Variants in MORN1 observed in about 807,000 individuals in gnomAD.
MORN1 encodes MORN repeat containing 1.
In MORN1, 67 loss-of-function variants were observed where a neutral mutation model predicts 61.9. The observed-to-expected ratio is 1.08, with a 90% CI of 0.89 to 1.33. MORN1 has a LOEUF of 1.33. MORN1 is among the 40% of genes most tolerant of loss of function. MORN1 has a pLI of 0.00. For synonymous variants in MORN1, 301 were observed against 292.0 expected (o/e 1.03, Z -0.31); for missense variants, 752 against 691.2 (o/e 1.09, Z -0.99).
rs1338906281 is a variant in MORN1, at chr1:2,334,100, T to C, written c.1250+2369A>G. Among the ~76,000 whole-genome samples the C allele has an allele frequency of 2.0e-5, 3 of 151,998 alleles. No homozygotes were observed. The highest frequency in any genetic ancestry group is 4.4e-5 in the Non-Finnish European group (3 of 67,974). On this transcript the variant is annotated intron_variant, in intron 12 of 13. Transcript: ENST00000378531. The surrounding 1 kb of genome is among the most constrained non-coding windows in gnomAD (Gnocchi z 5.4). ...GAGCCTCAGGCAGGGTCCCCCACTC[T>C]TTCCTAAGAGGGGGCCATCACACAA...
In MORN1 at chr1:2,334,239, G is replaced by C. The variant is rs894472953; in HGVS notation, c.1250+2230C>G. ...CAGTTGAGGGCCTCTGGGTGGTGGG[G>C]GGGCAGCAGGTGTAAGAACGGTAAG... On this transcript the variant is annotated intron_variant, in intron 12 of 13. Transcript: ENST00000378531. The surrounding 1 kb of genome is among the most constrained non-coding windows in gnomAD (Gnocchi z 5.4). 1.3e-5 allele frequency among the ~76,000 whole-genome samples: 2 copies of C among 152,106 alleles called. No individual in the cohort carries two copies. Among genetic ancestry groups the C allele is most frequent in the African/African-American group, 4.8e-5 (2 of 41,410 alleles).
In MORN1 at chr1:2,391,509, G is replaced by C; in HGVS notation, c.25C>G (p.Pro9Ala). MAAAGEGT[P>A]SSRGPRRDPP... ...TCCCGACGCGGCCCGCGGGAGCTCG[G>C]GGTGCCCTCGCCCGCCGCTGCCATC... Residue 9 changes from proline to alanine, a missense_variant, in exon 1 of 14, where the codon CCG becomes GCG. Coordinates refer to ENST00000378531, the MANE Select transcript of MORN1 (RefSeq NM_024848.3). 25 of 1,251,312 alleles carry C rather than the reference G, an allele frequency of 2.0e-5. No homozygotes were observed. The highest frequency in any genetic ancestry group is 2.5e-5 in the Non-Finnish European group (25 of 991,824). The allele number at this position is 1,251,312 out of a possible 1,614,324, so 77.5% of individuals were successfully genotyped here. A position where few individuals can be genotyped will look rare whatever the true frequency, so the allele number is the denominator to read the frequency against.
chr1:2,383,023 G>C (rs948839303), intron 6 of MORN1, among the ~76,000 whole-genome samples: 1 of 152,076 alleles, frequency 6.6e-6, no homozygotes, highest in African/African-American at 2.4e-5. Flanking sequence ...GCCCTGCTGC[G>C]GGCAGCTGTG....
chr1:2,331,021 G>A (rs970831313), intron 12 of MORN1, among the ~76,000 whole-genome samples: 7 of 152,236 alleles, frequency 4.6e-5, no homozygotes, highest in Non-Finnish European at 7.3e-5. Flanking sequence ...CGCAGCCAGA[G>A]GCCCTCTCAG....
Position 2,387,544 on chromosome 1 carries a change from G to T in MORN1, c.248-15C>A. 1 of 1,579,394 alleles carries T rather than the reference G, an allele frequency of 6.3e-7. No homozygotes were observed. On this transcript the variant is annotated splice_polypyrimidine_tract_variant and intron_variant, in intron 3 of 13. Coordinates refer to ENST00000378531, the MANE Select transcript of MORN1 (RefSeq NM_024848.3). ...GAAGGTGTCTCCTGCATGTGGACAA[G>T]GAGGAGGGGAGACAGGAGGTTCAGT...
chr1:2,323,533 T>C (rs894577329), intron 13 of MORN1: 1 of 985,224 alleles, frequency 1.0e-6, no homozygotes, highest in Non-Finnish European at 1.2e-6. Context: ...ATTCGGCCCC[T>C]CTGGCTTGGT....
At chr1:2,385,099 A>G (rs2100368322) in intron 5 of MORN1, 34 bp from the exon 6 acceptor site, 1 of 1,558,648 alleles carries the variant, frequency 6.4e-7, no homozygotes, top group East Asian at 2.3e-5. Flanking sequence ...CACTCTCAAC[A>G]GGGGGAGCCG....
chr1:2,384,856 G>A, intron 6 of MORN1, 122 bp downstream of exon 6: 1 of 772,776 alleles, frequency 1.3e-6, no homozygotes, highest in African/African-American at 1.8e-5. Flanking sequence ...ACGGGATCAG[G>A]GAATCGCAGG....
intron 10 of MORN1, among the ~76,000 whole-genome samples, chr1:2,353,760 C>A (rs1229614119): frequency 6.6e-6 from 1 of 152,228 alleles, no homozygotes; most frequent in Non-Finnish European, 1.5e-5. Flanking sequence ...CTCTGCCCAG[C>A]ACCCTGCTGT....
At chr1:2,321,637 C>T in intron 13 of MORN1, 58 bp from the exon 14 acceptor site, 1 of 1,426,488 alleles carries the variant, frequency 7.0e-7, no homozygotes, top group Non-Finnish European at 9.2e-7. Flanking sequence ...CCTCCCTGGC[C>T]TCAGCCCACT....
chr1:2,331,623 T>C lies in MORN1; in HGVS notation c.1250+4846A>G, dbSNP rs558379286. The stretch of plus-strand genomic sequence containing the variant: ...AGGGCAGACATGGCCTCTGTGCCCA[T>C]GAAACCCGGGCTTCCCTTGGGGCAC... On this transcript the variant is annotated intron_variant, in intron 12 of 13. Transcript: ENST00000378531. 1.2e-4 allele frequency among the ~76,000 whole-genome samples: 19 copies of C among 152,282 alleles called. No homozygotes were observed. The East Asian group carries it at 3.5e-3, about 28-fold the overall frequency.
chr1:2,382,045 C>T (rs1178185003), intron 6 of MORN1, among the ~76,000 whole-genome samples: 4 of 152,154 alleles, frequency 2.6e-5, no homozygotes, highest in East Asian at 1.9e-4. Context: ...CCCGAGTTGG[C>T]GCCTGGGTAG....
At chr1:2,331,854 C>G (rs1205723031) in intron 12 of MORN1, among the ~76,000 whole-genome samples, 15 of 132,516 alleles carry the variant, frequency 1.1e-4, no homozygotes, top group Non-Finnish European at 6.3e-5. Flanking sequence ...GCTCTCCCGC[C>G]CCTGCGCCTC....
In MORN1 at chr1:2,372,170, G is replaced by A. The variant is rs755603226; in HGVS notation, c.745+311C>T. On this transcript the variant is annotated intron_variant, in intron 8 of 13. Transcript: ENST00000378531. The surrounding 1 kb of genome is among the most constrained non-coding windows in gnomAD (Gnocchi z 5.4). ...GAAGGACACTCTGACACACGTGCAC[G>A]CGTGCCCCCCCACACGTATACACAT... 5 of 274,072 alleles carry A rather than the reference G, an allele frequency of 1.8e-5. No homozygotes were observed. The highest frequency in any genetic ancestry group is 3.5e-5 in the Non-Finnish European group (5 of 141,096). The allele number at this position is 274,072 out of a possible 1,614,324, so 17.0% of individuals were successfully genotyped here.
At chr1:2,355,173 C>A in intron 10 of MORN1, 6 of 1,184,314 alleles carry the variant, frequency 5.1e-6, no homozygotes, top group Non-Finnish European at 6.3e-6. Context: ...GAAGGCATGG[C>A]GCCCAGTAAG....
chr1:2,329,631 G>A (rs1056067043), intron 12 of MORN1, among the ~76,000 whole-genome samples: 1 of 152,176 alleles, frequency 6.6e-6, no homozygotes, highest in Non-Finnish European at 1.5e-5. Context: ...GGGCTGAGTG[G>A]GGCCTCCTGG....
In MORN1 at chr1:2,321,336, C is replaced by T. The variant is rs1449201417; in HGVS notation, c.*47G>A. On this transcript the variant is annotated 3_prime_UTR_variant, in exon 14 of 14. Transcript: ENST00000378531. ...AGCAGAGTCACGCAAGCAGAGGCAG[C>T]GTTTCCTTCCATTCACACCGAGGTG... 4.9e-5 allele frequency: 65 copies of T among 1,315,990 alleles called. No individual in the cohort carries two copies. The highest frequency in any genetic ancestry group is 3.9e-4 in the East Asian group (14 of 36,278). The allele number at this position is 1,315,990 out of a possible 1,614,324, so 81.5% of individuals were successfully genotyped here. A position where few individuals can be genotyped will look rare whatever the true frequency, so the allele number is the denominator to read the frequency against.
At chr1:2,381,903 G>C (rs976734916) in intron 6 of MORN1, among the ~76,000 whole-genome samples, 1 of 152,214 alleles carries the variant, frequency 6.6e-6, no homozygotes, top group Non-Finnish European at 1.5e-5. Context: ...GTGTGGTGCC[G>C]GGACAGGGCT....
At chr1:2,331,759 C>A (rs980604992) in intron 12 of MORN1, among the ~76,000 whole-genome samples, 1 of 152,310 alleles carries the variant, frequency 6.6e-6, no homozygotes, top group African/African-American at 2.4e-5. Context: ...GCGTTTCTCC[C>A]GCATGCGCCG....
Sources: allele counts gnomAD v4.1 joint callset (sites outside exome capture counted in the v4.1 genomes callset), GRCh38; gene constraint gnomAD v4.1.1; non-coding constraint Gnocchi (gnomAD v3.1); transcripts MANE v1.5; gene names NCBI Gene and HGNC (gene_info 2026-07-23, HGNC 2026-07-21).